Variants in KIF3B observed in about 807,000 individuals in gnomAD.
The protein encoded by KIF3B is kinesin family member 3B, also known as kinesin-like protein KIF3B.
KIF3B carries 38 observed loss-of-function variants against 74.3 expected under a neutral mutation model. The ratio of observed to expected loss-of-function variants is 0.51; its 90% CI spans 0.39 to 0.67. The LOEUF (loss-of-function observed/expected upper bound fraction) is 0.67. KIF3B is among the 30% of genes least tolerant of loss of function. The pLI is 0.00. For missense variants in KIF3B, 649 were observed against 932.0 expected, an observed-to-expected ratio of 0.70 and a Z score of 3.95; for synonymous variants, 326 against 342.5, an observed-to-expected ratio of 0.95 and a Z score of 0.53.
At chr20:32,322,812 TTA>T (rs1200572528) in intron 5 of KIF3B, among the ~76,000 whole-genome samples, 1 of 63,470 alleles carries the variant, frequency 1.6e-5, no homozygotes, top group Non-Finnish European at 2.5e-5. Context: ...TTATATATAT[TTA>T]TATATATTTA....
intron 5 of KIF3B, among the ~76,000 whole-genome samples, chr20:32,323,181 T>C (rs1226216594): frequency 7.8e-6 from 1 of 128,174 alleles, no homozygotes; most frequent in Non-Finnish European, 1.6e-5. Context: ...TTTATATATT[T>C]ATATATATTT....
In KIF3B at chr20:32,311,100, G is replaced by A. The variant is rs139071329; in HGVS notation, c.1323G>A (p.Arg441=). 25 of 1,613,358 alleles carry A rather than the reference G, an allele frequency of 1.5e-5. No homozygotes were observed. In the African/African-American group the frequency reaches 2.4e-4, roughly 16 times the overall value. The change falls in exon 2 of 9, where the codon AGG becomes AGA. Residue 441 remains arginine (R), a synonymous_variant. Transcript: ENST00000375712. ...GCTTGGTTGCAGAGGAGAAGATGAGGCTGCTGAAGGAGAAAGAGAAAAAGA... is the reference window on the plus strand; with the variant it reads ...GCTTGGTTGCAGAGGAGAAGATGAGACTGCTGAAGGAGAAAGAGAAAAAGA... ...DHSLVAEEKM[R]LLKEKEKKME...
chr20:32,325,785 A>G (rs2047901086), intron 5 of KIF3B, among the ~76,000 whole-genome samples: 1 of 147,116 alleles, frequency 6.8e-6, no homozygotes, highest in Non-Finnish European at 1.5e-5. Flanking sequence ...CTCCTGTCTC[A>G]GCCTCCTGAG....
At chr20:32,292,987 G>A (rs539947079) in intron 1 of KIF3B, among the ~76,000 whole-genome samples, 2 of 152,262 alleles carry the variant, frequency 1.3e-5, no homozygotes, top group African/African-American at 4.8e-5. Flanking sequence ...GGGCGCAGTG[G>A]CTCATGACTG....
intron 2 of KIF3B, 71 bp downstream of exon 2, chr20:32,311,252 A>G (rs1410834039): frequency 1.1e-5 from 16 of 1,449,700 alleles, no homozygotes; most frequent in Non-Finnish European, 1.4e-5. Context: ...CAACAACAAA[A>G]AACATAACCA....
intron 5 of KIF3B, among the ~76,000 whole-genome samples, chr20:32,319,560 AGTTTTTTTTTGTTTTGTTTTT>A (rs1176448605): frequency 8.7e-6 from 1 of 115,208 alleles, no homozygotes; most frequent in African/African-American, 2.9e-5. Context: ...GTATATATAT[AGTTTTTTTTTGTTTTGTTTTT>A]GTTTTTTTTT....
rs1010584026 is a variant in KIF3B at position 32,332,927 on chromosome 20, C to G, written c.*1608C>G. 6 of 152,618 alleles carry G rather than the reference C, an allele frequency of 3.9e-5. No homozygotes were observed. Among genetic ancestry groups the G allele is most frequent in the African/African-American group, 1.4e-4 (6 of 41,416 alleles). The allele number at this position is 152,618 out of a possible 1,614,324, so 9.5% of individuals were successfully genotyped here. ...ACTGGTGCACCTTGCTGGCACGGTG[C>G]CTCAGGAAGGTGGCGACTCAGGTGG... is the stretch of plus-strand genomic sequence containing the variant. On this transcript the variant is annotated 3_prime_UTR_variant, in exon 9 of 9. Transcript: ENST00000375712.
At chr20:32,316,921 A>G (rs2047830585) in intron 5 of KIF3B, 47 bp downstream of exon 5, 1 of 1,337,988 alleles carries the variant, frequency 7.5e-7, no homozygotes. Flanking sequence ...TTGCTGAGTC[A>G]TTGATCTCGT....
chr20:32,316,719 C>T, intron 4 of KIF3B, 37 bp from the exon 5 acceptor site: 1 of 1,613,302 alleles, frequency 6.2e-7, no homozygotes, highest in Non-Finnish European at 8.5e-7. Flanking sequence ...ACCCTTTGGA[C>T]AGACACCCTC....
chr20:32,296,064 C>T (rs1426692960), intron 1 of KIF3B, among the ~76,000 whole-genome samples: 2 of 151,516 alleles, frequency 1.3e-5, no homozygotes, highest in East Asian at 1.9e-4. Flanking sequence ...GGGGTTTCAC[C>T]GTGTTGGCCA....
chr20:32,292,410 AC>A (rs1424186610), intron 1 of KIF3B, among the ~76,000 whole-genome samples: 1 of 151,856 alleles, frequency 6.6e-6, no homozygotes, highest in Non-Finnish European at 1.5e-5. Flanking sequence ...AGCCTGTGCA[AC>A]AAAGCAAGAC....
At chr20:32,300,893 G>A (rs183386086) in intron 1 of KIF3B, among the ~76,000 whole-genome samples, 2 of 151,672 alleles carry the variant, frequency 1.3e-5, no homozygotes, top group Admixed American at 6.6e-5. Context: ...TTGGAAACAG[G>A]GCAAGACCTA....
At chr20:32,287,447 A>G (rs935880248) in intron 1 of KIF3B, among the ~76,000 whole-genome samples, 1 of 151,264 alleles carries the variant, frequency 6.6e-6, no homozygotes, top group African/African-American at 2.4e-5. Flanking sequence ...TCAGCTTCCT[A>G]AGCAGCCAGG....
At chr20:32,285,631 A>G (rs2047664196) in intron 1 of KIF3B, among the ~76,000 whole-genome samples, 1 of 152,104 alleles carries the variant, frequency 6.6e-6, no homozygotes, top group African/African-American at 2.4e-5. Context: ...AAGTGACTCA[A>G]CCTCTCTAGG....
intron 5 of KIF3B, 59 bp from the exon 6 acceptor site, chr20:32,326,712 T>C: frequency 1.4e-6 from 1 of 735,688 alleles, no homozygotes. Context: ...TGAGACCAGA[T>C]AGCTGACACT....
intron 8 of KIF3B, 141 bp from the exon 9 acceptor site, chr20:32,331,082 G>C: frequency 2.9e-6 from 2 of 693,336 alleles, no homozygotes; most frequent in African/African-American, 1.8e-5. Flanking sequence ...GGTTCAGGCT[G>C]TGCCAGTGTA....
rs908864677 is a variant in KIF3B, at chr20:32,334,787, C to A, written c.*3468C>A. The A allele has an allele frequency of 6.6e-6, 1 of 152,256 alleles. No homozygotes were observed. Among genetic ancestry groups the A allele is most frequent in the African/African-American group, 2.4e-5 (1 of 41,406 alleles). 9.4% of individuals were successfully genotyped at this position (152,256 alleles called of 1,614,324 possible). A position where few individuals can be genotyped will look rare whatever the true frequency, so the allele number is the denominator to read the frequency against. On this transcript the variant is annotated 3_prime_UTR_variant, in exon 9 of 9. Coordinates refer to ENST00000375712, the MANE Select transcript of KIF3B (RefSeq NM_004798.4). ...TGGGGTTATTTATGAAAGGAGTGAT[C>A]CTGGGGCAGGCAGGAGGCAGTGGGC...
chr20:32,325,790 C>T (rs1383016916), intron 5 of KIF3B, among the ~76,000 whole-genome samples: 1 of 150,780 alleles, frequency 6.6e-6, no homozygotes, highest in South Asian at 2.1e-4. Context: ...GTCTCAGCCT[C>T]CTGAGTAGCT....
At position 32,310,547 on chromosome 20, in the gene KIF3B, C is replaced by T; in HGVS notation, c.770C>T (p.Ala257Val). The change falls in exon 2 of 9, where the codon GCA becomes GTA. Residue 257 changes from alanine to valine, a missense_variant. By Grantham distance (64) the Ala-to-Val change is moderately conservative. This residue lies in a region of KIF3B where 363 missense variants were observed against 592.8 expected (regional missense o/e 0.61). Transcript: ENST00000375712. The surrounding 1 kb of genome is among the most constrained non-coding windows in gnomAD (Gnocchi z 6.5). ...AGCGAACGGCAAGCCAAGACCGGCGCACAAGGGGAGAGATTAAAAGAAGCT... is the reference window on the plus strand; with the variant it reads ...AGCGAACGGCAAGCCAAGACCGGCGTACAAGGGGAGAGATTAAAAGAAGCT... ...AGSERQAKTG[A>V]QGERLKEATK... is the part of the protein sequence containing the mutation. 1 of 1,614,086 alleles carries T rather than the reference C, an allele frequency of 6.2e-7. No homozygotes were observed. Among genetic ancestry groups the T allele is most frequent in the African/African-American group, 1.3e-5 (1 of 75,044 alleles).
Sources: allele counts gnomAD v4.1 joint callset (sites outside exome capture counted in the v4.1 genomes callset), GRCh38; gene constraint gnomAD v4.1.1; regional missense constraint gnomAD v4.1.1; non-coding constraint Gnocchi (gnomAD v3.1); transcripts MANE v1.5; gene names NCBI Gene and HGNC (gene_info 2026-07-23, HGNC 2026-07-21).